SLC35D2: variants seen among roughly 807,000 people sequenced by gnomAD.
SLC35D2 encodes nucleotide sugar transporter SLC35D2.
A neutral mutation model predicts 41.8 loss-of-function variants in SLC35D2; 43 were observed. That is an observed-to-expected ratio of 1.03 (90% CI 0.81 to 1.33). The LOEUF (loss-of-function observed/expected upper bound fraction) is 1.33, where lower values mean the gene tolerates loss of function less well. SLC35D2 is among the 40% of genes most tolerant of loss of function. The pLI, the probability that SLC35D2 is intolerant of heterozygous loss-of-function variation, is 0.00. For synonymous variants in SLC35D2, 150 were observed against 163.9 expected, an observed-to-expected ratio of 0.92 and a Z score of 0.65; for missense variants, 380 against 408.4, an observed-to-expected ratio of 0.93 and a Z score of 0.60.
intron 1 of SLC35D2, among the ~76,000 whole-genome samples, chr9:96,377,987 A>G (rs1311232587): frequency 6.6e-6 from 1 of 152,214 alleles, no homozygotes; most frequent in Non-Finnish European, 1.5e-5. Flanking sequence ...TCTTCGGGAC[A>G]GAGTCAGGTT....
intron 6 of SLC35D2, among the ~76,000 whole-genome samples, chr9:96,348,110 C>A (rs1367282169): frequency 6.6e-6 from 1 of 152,190 alleles, no homozygotes; most frequent in African/African-American, 2.4e-5. Flanking sequence ...GCAGACTCGC[C>A]CTGAATTCTT....
chr9:96,349,732 G>C (rs1263295482), intron 6 of SLC35D2, among the ~76,000 whole-genome samples: 1 of 152,078 alleles, frequency 6.6e-6, no homozygotes, highest in Admixed American at 6.6e-5. Flanking sequence ...TGCCATGTTG[G>C]CCAGGCTGGT....
At chr9:96,325,013 A>G (rs1334871399) in intron 9 of SLC35D2, among the ~76,000 whole-genome samples, 1 of 152,232 alleles carries the variant, frequency 6.6e-6, no homozygotes, top group African/African-American at 2.4e-5. Context: ...AGAGAAAATC[A>G]GCTGAGCGAT....
intron 4 of SLC35D2, among the ~76,000 whole-genome samples, chr9:96,354,006 T>C (rs1260572599): frequency 1.3e-5 from 2 of 152,214 alleles, no homozygotes; most frequent in Non-Finnish European, 2.9e-5. Context: ...GCAGAAAGAA[T>C]GTTCAGGAAC....
At chr9:96,318,120 C>A (rs1191157728), downstream of SLC35D2, among the ~76,000 whole-genome samples, 1 of 104,714 alleles carries the variant, frequency 9.5e-6, no homozygotes, top group African/African-American at 4.0e-5. Flanking sequence ...CTTGTAGACA[C>A]AGATCTTGCC....
At chr9:96,322,419 G>C (rs923278972) in intron 10 of SLC35D2, among the ~76,000 whole-genome samples, 2 of 151,988 alleles carry the variant, frequency 1.3e-5, no homozygotes, top group African/African-American at 4.8e-5. Context: ...TACTCCACAC[G>C]GACTGAAGTG....
intron 3 of SLC35D2, among the ~76,000 whole-genome samples, chr9:96,361,624 G>A (rs892422453): frequency 6.6e-6 from 1 of 152,000 alleles, no homozygotes; most frequent in Non-Finnish European, 1.5e-5. Context: ...GTTCGAAGCT[G>A]CAGTGAGCTG....
At chr9:96,382,007 G>A (rs1234054238) in intron 1 of SLC35D2, among the ~76,000 whole-genome samples, 1 of 152,138 alleles carries the variant, frequency 6.6e-6, no homozygotes, top group Non-Finnish European at 1.5e-5. Flanking sequence ...GAACCTACCT[G>A]TTTATTTTCT....
At chr9:96,347,196 A>C (rs562771336) in intron 6 of SLC35D2, among the ~76,000 whole-genome samples, 1 of 152,306 alleles carries the variant, frequency 6.6e-6, no homozygotes, top group South Asian at 2.1e-4. Context: ...TTCAGCGTGA[A>C]GAAGAGCAGA....
At chr9:96,345,755 T>C (rs993014459) in intron 6 of SLC35D2, among the ~76,000 whole-genome samples, 4 of 152,180 alleles carry the variant, frequency 2.6e-5, no homozygotes, top group Admixed American at 2.6e-4. Context: ...CTGCTTATTG[T>C]AGTGAACAGG....
intron 1 of SLC35D2, among the ~76,000 whole-genome samples, chr9:96,373,268 A>AC (rs1830787361): frequency 6.6e-6 from 1 of 152,198 alleles, no homozygotes; most frequent in Non-Finnish European, 1.5e-5. Context: ...AAAATGCCAT[A>AC]CACCCTATAG....
chr9:96,371,599 A>T (rs1174117805), intron 1 of SLC35D2, among the ~76,000 whole-genome samples: 1 of 151,258 alleles, frequency 6.6e-6, no homozygotes, highest in Admixed American at 6.6e-5. Context: ...GGATCTTTTA[A>T]CACTTTTAAG....
In SLC35D2 at chr9:96,368,275, T is replaced by G; in HGVS notation, c.189A>C (p.Gly63=). ...AATTCTATTTTTTTTCACTCACCTG[T>G]CCAATTCCAAGGAAAATTGGTGACG... The part of the protein sequence containing the change: ...GFPSPIFLGI[G]QMAATIMILY... The change falls in exon 2 of 12, where the codon GGA becomes GGC. Residue 63 remains glycine (G), a synonymous_variant. Coordinates refer to ENST00000253270, the MANE Select transcript of SLC35D2 (RefSeq NM_007001.3). The G allele has an allele frequency of 6.2e-7, 1 of 1,606,278 alleles. No homozygotes were observed. The highest frequency in any genetic ancestry group is 1.1e-5 in the South Asian group (1 of 89,726).
rs1162082148 is a variant in SLC35D2 at position 96,383,562 on chromosome 9, CCCGCGAGGGCAG to C, written c.61_72del (p.Leu21_Arg24del). The C allele has an allele frequency of 1.3e-6, 2 of 1,492,852 alleles. No homozygotes were observed. The highest frequency in any genetic ancestry group is 4.4e-5 in the Admixed American group (2 of 45,048). 92.5% of individuals were successfully genotyped at this position (1,492,852 alleles called of 1,614,324 possible). The stretch of plus-strand genomic sequence containing the variant: ...AAGAGCGCCGACAGCAGCCGGGCCA[CCCGCGAGGGCAG>C]CCGCGCCGCGCCGGGCTCCCCGCCA... On this transcript the variant is annotated inframe_deletion, in exon 1 of 12. Coordinates refer to ENST00000253270, the MANE Select transcript of SLC35D2 (RefSeq NM_007001.3).
chr9:96,321,397 G>T, intron 11 of SLC35D2, 56 bp from the exon 12 acceptor site: 1 of 1,275,928 alleles, frequency 7.8e-7, no homozygotes, highest in Non-Finnish European at 1.1e-6. Flanking sequence ...AGGGGCTCCA[G>T]CAGCAGTTGC....
chr9:96,348,957 G>A (rs1471620764), intron 6 of SLC35D2, among the ~76,000 whole-genome samples: 1 of 152,098 alleles, frequency 6.6e-6, no homozygotes, highest in Non-Finnish European at 1.5e-5. Context: ...CTGGCTGTAA[G>A]TCAGTGGTTT....
chr9:96,382,496 C>CACACTATA lies in SLC35D2; in HGVS notation c.158+980_158+981insTATAGTGT, dbSNP rs200897475. The stretch of plus-strand genomic sequence containing the variant: ...ACACACACACACACACACACACACA[C>CACACTATA]TATATATATATATATATATATGCCT... On this transcript the variant is annotated intron_variant, in intron 1 of 11. Transcript: ENST00000253270. Among the ~76,000 whole-genome samples the CACACTATA allele has an allele frequency of 8.1e-4, 104 of 127,928 alleles. 2 individuals are homozygous for CACACTATA. Among genetic ancestry groups the CACACTATA allele is most frequent in the African/African-American group, 1.7e-3 (59 of 34,192 alleles). 83.9% of individuals were successfully genotyped at this position (127,928 alleles called of 152,430 possible).
intron 9 of SLC35D2, among the ~76,000 whole-genome samples, chr9:96,324,775 G>T (rs533639134): frequency 6.6e-6 from 1 of 151,998 alleles, no homozygotes; most frequent in Admixed American, 6.5e-5. Flanking sequence ...GGCTGGTCTT[G>T]AACTCCTGAG....
chr9:96,341,060 G>A (rs1352892451), intron 8 of SLC35D2, among the ~76,000 whole-genome samples: 1 of 152,148 alleles, frequency 6.6e-6, no homozygotes, highest in Non-Finnish European at 1.5e-5. Context: ...GCTGAGAAAG[G>A]CAGATCACTT....
Sources: allele counts gnomAD v4.1 joint callset (sites outside exome capture counted in the v4.1 genomes callset), GRCh38; gene constraint gnomAD v4.1.1; transcripts MANE v1.5; gene names NCBI Gene and HGNC (gene_info 2026-07-23, HGNC 2026-07-21).